ECM2: variants seen among roughly 807,000 people sequenced by gnomAD.
ECM2 encodes extracellular matrix protein 2, female organ and adipocyte specific.
Under a neutral mutation model 67.5 loss-of-function variants are expected in ECM2, and 57 were observed. The observed-to-expected ratio is 0.84, with a 90% CI of 0.68 to 1.05. ECM2 has a LOEUF of 1.05. ECM2 is among the 50% of genes least tolerant of loss of function. The probability of loss-of-function intolerance (pLI) is 0.00; values close to 1 mark genes in which losing one functional copy is unlikely to be tolerated. For synonymous variants in ECM2, 258 were observed against 294.5 expected, an observed-to-expected ratio of 0.88 and a Z score of 1.27; for missense variants, 741 against 822.8, an observed-to-expected ratio of 0.90 and a Z score of 1.22.
chr9:92,558,768 G>T, the ECM2 span, among the ~76,000 whole-genome samples: 1 of 152,052 alleles, frequency 6.6e-6, no homozygotes, highest in Non-Finnish European at 1.5e-5. Flanking sequence ...GTGGGGACAG[G>T]GCTAGGTGTG....
chr9:92,545,410 G>T, the ECM2 span, among the ~76,000 whole-genome samples: 1 of 152,190 alleles, frequency 6.6e-6, no homozygotes, highest in Non-Finnish European at 1.5e-5. Context: ...GCTGCGGAGG[G>T]TGCGTCGGGT....
chr9:92,538,066 G>A (rs1849232515), upstream of ECM2, among the ~76,000 whole-genome samples: 1 of 152,132 alleles, frequency 6.6e-6, no homozygotes, highest in Admixed American at 6.5e-5. Flanking sequence ...TATGCTGTCT[G>A]TCCTACCATT....
Position 92,495,317 on chromosome 9 carries a change from A to T in ECM2, c.*998T>A. ...TAGCAATACAAAGATAAAAATCATT[A>T]TGTTAGAAAATTTTAATATATGATT... On this transcript the variant is annotated 3_prime_UTR_variant, in exon 10 of 10. Coordinates refer to ENST00000344604, the MANE Select transcript of ECM2 (RefSeq NM_001393.4). The T allele has an allele frequency of 1.2e-6, 1 of 866,484 alleles. No homozygotes were observed. The highest frequency in any genetic ancestry group is 1.4e-6 in the Non-Finnish European group (1 of 721,662). 53.7% of individuals were successfully genotyped at this position (866,484 alleles called of 1,614,324 possible).
the ECM2 span, among the ~76,000 whole-genome samples, chr9:92,543,339 G>A: frequency 6.6e-6 from 1 of 151,844 alleles, no homozygotes; most frequent in African/African-American, 2.4e-5. Flanking sequence ...TGGGCATGGT[G>A]GTACGTACCT....
chr9:92,559,082 C>T, the ECM2 span, among the ~76,000 whole-genome samples: 1 of 152,160 alleles, frequency 6.6e-6, no homozygotes, highest in African/African-American at 2.4e-5. Flanking sequence ...AAGGGCTCTT[C>T]CCCCGCCTCT....
the ECM2 span, among the ~76,000 whole-genome samples, chr9:92,557,636 C>T: frequency 6.6e-6 from 1 of 151,954 alleles, no homozygotes; most frequent in African/African-American, 2.4e-5. Flanking sequence ...CAGAGCATTT[C>T]GCATTTCTTT....
chr9:92,502,604 A>C lies in ECM2; in HGVS notation c.1513T>G (p.Phe505Val). Residue 505 changes from phenylalanine to valine, a missense_variant, in exon 8 of 10, where the codon TTC becomes GTC. By Grantham distance (50) the Phe-to-Val change is conservative. Coordinates refer to ENST00000344604, the MANE Select transcript of ECM2 (RefSeq NM_001393.4). The stretch of plus-strand genomic sequence containing the variant: ...ACATTGATCTTTCTGGTATGATTGA[A>C]ACAAATTTCAGTTATTTCTTCAATT... The part of the protein sequence containing the change: ...NQIEEITEIC[F>V]NHTRKINVIV... The C allele has an allele frequency of 6.2e-7, 1 of 1,606,084 alleles. No homozygotes were observed. Among genetic ancestry groups the C allele is most frequent in the Non-Finnish European group, 8.5e-7 (1 of 1,174,110 alleles).
intron 9 of ECM2, among the ~76,000 whole-genome samples, chr9:92,500,433 T>G (rs1846601970): frequency 1.3e-5 from 2 of 152,254 alleles, no homozygotes; most frequent in African/African-American, 4.8e-5. Flanking sequence ...TCCGCCCGCC[T>G]TGGCGTCCCA....
At chr9:92,530,208 G>A (rs999209955) in intron 1 of ECM2, among the ~76,000 whole-genome samples, 2 of 151,958 alleles carry the variant, frequency 1.3e-5, no homozygotes, top group African/African-American at 4.8e-5. Flanking sequence ...TATAAAGGTG[G>A]GTACATGTCA....
In ECM2 at chr9:92,502,502, C is replaced by T. The variant is rs776585252; in HGVS notation, c.1604+11G>A. The T allele has an allele frequency of 1.2e-6, 2 of 1,611,024 alleles. No individual in the cohort carries two copies. The highest frequency in any genetic ancestry group is 1.7e-5 in the Admixed American group (1 of 59,602). On this transcript the variant is annotated intron_variant, in intron 8 of 9. Transcript: ENST00000344604. The stretch of plus-strand genomic sequence containing the variant: ...TAGTTCAATAAAATTTAAATTGTAG[C>T]ATGTACTTACTCTTGATTTATCCAG...
chr9:92,514,730 C>CGT lies in ECM2; in HGVS notation c.954_955insAC (p.Gly319ThrfsTer23), dbSNP rs1847578730. 1 of 1,607,700 alleles carries CGT rather than the reference C, an allele frequency of 6.2e-7. No individual in the cohort carries two copies. Among genetic ancestry groups the CGT allele is most frequent in the African/African-American group, 1.3e-5 (1 of 74,862 alleles). On this transcript the variant is annotated frameshift_variant, in exon 4 of 10. Transcript: ENST00000344604. LOFTEE classifies it high-confidence loss of function. ...ATGGTCCTGTAGGACAGAGAGCACC[C>CGT]GCTTGGCAGGCGCAGTGTGCCTCTG...
intron 4 of ECM2, among the ~76,000 whole-genome samples, chr9:92,513,834 G>T (rs1477496108): frequency 1.3e-5 from 2 of 152,136 alleles, no homozygotes; most frequent in Non-Finnish European, 1.5e-5. Context: ...TCTTAATTTT[G>T]GTGGTGGTTA....
At chr9:92,551,927 A>G in the ECM2 span, among the ~76,000 whole-genome samples, 29,082 of 69,320 alleles carry the variant, frequency 0.42, 7,304 homozygotes, top group African/African-American at 0.71. Flanking sequence ...GTGTGTGTGT[A>G]TATATATATA....
intron 5 of ECM2, among the ~76,000 whole-genome samples, chr9:92,510,661 T>C (rs1281797902): frequency 6.6e-6 from 1 of 152,242 alleles, no homozygotes; most frequent in Non-Finnish European, 1.5e-5. Context: ...AGTGGGGACC[T>C]GTGGTTGGGT....
chr9:92,499,064 T>A (rs1846522415), intron 9 of ECM2, among the ~76,000 whole-genome samples: 1 of 152,206 alleles, frequency 6.6e-6, no homozygotes, highest in Non-Finnish European at 1.5e-5. Flanking sequence ...GAGGAAGGTC[T>A]GCAGTAGGTA....
chr9:92,496,786 AAAC>A (rs1318112344), intron 9 of ECM2, among the ~76,000 whole-genome samples: 33 of 152,350 alleles, frequency 2.2e-4, no homozygotes, highest in African/African-American at 7.7e-4. Flanking sequence ...GTGCAAAGTT[AAAC>A]AACATGACAA....
rs573141115 is a variant in ECM2 at position 92,527,418 on chromosome 9, T to C, written c.-27-4525A>G. On this transcript the variant is annotated intron_variant, in intron 1 of 9. Coordinates refer to ENST00000344604, the MANE Select transcript of ECM2 (RefSeq NM_001393.4). ...AGCCTAGGAGCAATAGGCTCTACCATATAGCCTAGGTGTATAGTAGGTTGT... is the reference window on the plus strand; with the variant it reads ...AGCCTAGGAGCAATAGGCTCTACCACATAGCCTAGGTGTATAGTAGGTTGT... Among the ~76,000 whole-genome samples the C allele has an allele frequency of 9.8e-5, 15 of 152,332 alleles. No homozygotes were observed. In the South Asian group the frequency reaches 2.9e-3, roughly 29 times the overall value.
At chr9:92,552,196 C>A in the ECM2 span, among the ~76,000 whole-genome samples, 2 of 144,806 alleles carry the variant, frequency 1.4e-5, no homozygotes, top group African/African-American at 5.1e-5. Context: ...CATATACACA[C>A]ACACACACAC....
intron 1 of ECM2, among the ~76,000 whole-genome samples, chr9:92,534,178 C>T (rs1849030202): frequency 1.3e-5 from 2 of 152,178 alleles, no homozygotes; most frequent in African/African-American, 4.8e-5. Context: ...GTGTCTGTCC[C>T]ACCAGGAGCT....
Sources: allele counts gnomAD v4.1 joint callset (sites outside exome capture counted in the v4.1 genomes callset), GRCh38; gene constraint gnomAD v4.1.1; transcripts MANE v1.5; gene names NCBI Gene and HGNC (gene_info 2026-07-23, HGNC 2026-07-21).